ST7: variants seen among roughly 807,000 people sequenced by gnomAD.
ST7 encodes suppressor of tumorigenicity 7 protein.
ST7 carries 28 observed loss-of-function variants against 78.7 expected under a neutral mutation model. The ratio of observed to expected loss-of-function variants is 0.36; its 90% CI spans 0.26 to 0.49. The LOEUF (loss-of-function observed/expected upper bound fraction) is 0.49. ST7 is among the 20% of genes least tolerant of loss of function. The probability of loss-of-function intolerance (pLI) is 0.99; values close to 1 mark genes in which losing one functional copy is unlikely to be tolerated. For missense variants in ST7, 418 were observed against 696.0 expected (o/e 0.60, Z 4.49); for synonymous variants, 247 against 249.6 (o/e 0.99, Z 0.10).
chr7:117,222,074 C>A lies in ST7; in HGVS notation c.1638+12C>A. 1 of 1,598,802 alleles carries A rather than the reference C, an allele frequency of 6.3e-7. No individual in the cohort carries two copies. The highest frequency in any genetic ancestry group is 1.1e-5 in the South Asian group (1 of 88,262). On this transcript the variant is annotated intron_variant, in intron 15 of 15. Coordinates refer to ENST00000323984, the MANE Select transcript of ST7 (RefSeq NM_001369598.1). ...TCTTCGCAAAAGCTGTGAGTGTTTG[C>A]CTAGAGGGAGGCCTTGGGGAATGGA...
chr7:117,032,995 A>C (rs566025503), intron 1 of ST7, among the ~76,000 whole-genome samples: 1 of 152,300 alleles, frequency 6.6e-6, no homozygotes, highest in South Asian at 2.1e-4. Context: ...TAGTTTTACT[A>C]TGTTGCTTTG....
chr7:117,136,081 G>C lies in ST7; in HGVS notation c.711G>C (p.Lys237Asn). ...TGGTGGCTATTATCTGAATGAACAG[G>C]TGTGCAACTGCTTATATTCTCTTGG... Reference protein sequence around the residue: ...STIWEIKLLPKCATAYILLAE... With the variant: ...STIWEIKLLPNCATAYILLAE... Residue 237 changes from lysine (K) to asparagine (N), a missense_variant and splice_region_variant, in exon 8 of 16, where the codon AAG becomes AAC. Coordinates refer to ENST00000323984, the MANE Select transcript of ST7 (RefSeq NM_001369598.1). The C allele has an allele frequency of 6.2e-7, 1 of 1,613,142 alleles. No homozygotes were observed. Among genetic ancestry groups the C allele is most frequent in the South Asian group, 1.1e-5 (1 of 91,042 alleles).
intron 1 of ST7, among the ~76,000 whole-genome samples, chr7:116,973,458 T>C (rs2116271304): frequency 6.6e-6 from 1 of 152,350 alleles, no homozygotes; most frequent in East Asian, 1.9e-4. Context: ...GGTCTCCCCA[T>C]GTTGCCCAGA....
At chr7:117,039,161 A>G (rs925024576) in intron 1 of ST7, among the ~76,000 whole-genome samples, 12 of 152,138 alleles carry the variant, frequency 7.9e-5, no homozygotes, top group Non-Finnish European at 1.5e-4. Flanking sequence ...GCACGTAACC[A>G]TGCTTTTTTC....
intron 1 of ST7, among the ~76,000 whole-genome samples, chr7:117,090,505 T>C (rs1232838922): frequency 6.6e-6 from 1 of 152,160 alleles, no homozygotes; most frequent in Non-Finnish European, 1.5e-5. Context: ...TGTGTGCTTG[T>C]AGGGAAGAGG....
chr7:117,020,458 C>T, intron 1 of ST7: 1 of 860,656 alleles, frequency 1.2e-6, no homozygotes, highest in Non-Finnish European at 1.7e-6. Flanking sequence ...CAGCTGGACA[C>T]AGCTTGGACT....
At chr7:117,166,441 G>A (rs572375525) in intron 9 of ST7, among the ~76,000 whole-genome samples, 2 of 142,368 alleles carry the variant, frequency 1.4e-5, no homozygotes, top group South Asian at 4.3e-4. Context: ...TAAATTTTAA[G>A]TTGCTTGCAT....
At chr7:117,112,274 C>T (rs377141129) in intron 2 of ST7, 6 of 152,150 alleles carry the variant, frequency 3.9e-5, no homozygotes, top group Admixed American at 2.6e-4. Context: ...TAGCAGATGA[C>T]GATTGAATAG....
chr7:117,134,341 G>A, intron 7 of ST7, 149 bp downstream of exon 7: 7 of 1,196,462 alleles, frequency 5.9e-6, no homozygotes, highest in African/African-American at 1.5e-5. Context: ...ATCTTCCATC[G>A]AGCTGAGCAG....
intron 2 of ST7, among the ~76,000 whole-genome samples, chr7:117,113,149 G>T (rs1428099408): frequency 2.0e-5 from 3 of 152,232 alleles, no homozygotes; most frequent in African/African-American, 7.2e-5. Context: ...CAGTGCTGAG[G>T]CAGGAATGCT....
At chr7:117,182,075 G>T (rs1343284399) in intron 10 of ST7, among the ~76,000 whole-genome samples, 2 of 152,120 alleles carry the variant, frequency 1.3e-5, no homozygotes, top group Non-Finnish European at 2.9e-5. Context: ...TCTCTCATTG[G>T]TATTGCCATG....
At chr7:117,015,052 A>G (rs1400255289) in intron 1 of ST7, 1 of 1,025,468 alleles carries the variant, frequency 9.8e-7, no homozygotes, top group Non-Finnish European at 1.3e-6. Context: ...GTTATGTAGA[A>G]TTACTTTAAA....
chr7:116,972,225 T>C, intron 1 of ST7: 1 of 534,830 alleles, frequency 1.9e-6, no homozygotes, highest in Non-Finnish European at 3.6e-6. Context: ...AGAGGCGCTG[T>C]CCTTTGGTGC....
Position 116,953,666 on chromosome 7 carries a change from G to A in ST7, c.126G>A (p.Leu42=), listed in dbSNP as rs775781428. The part of the protein sequence containing the change: ...LFLVYILRVP[L]KINDNLSTVS... ...TGGTCTACATCCTGCGGGTGCCTTT[G>A]AAAATCAACGACAACTTGAGCACAG... is the stretch of plus-strand genomic sequence containing the variant. Residue 42 remains leucine (L), a synonymous_variant, in exon 1 of 16, where the codon TTG becomes TTA. Transcript: ENST00000323984. 2.0e-6 allele frequency: 3 copies of A among 1,496,280 alleles called. No individual in the cohort carries two copies. Among genetic ancestry groups the A allele is most frequent in the Admixed American group, 3.8e-5 (2 of 52,960 alleles). 92.7% of individuals were successfully genotyped at this position (1,496,280 alleles called of 1,614,324 possible).
intron 10 of ST7, among the ~76,000 whole-genome samples, chr7:117,181,550 G>A (rs1044086164): frequency 6.6e-5 from 10 of 152,186 alleles, no homozygotes; most frequent in Non-Finnish European, 4.4e-5. Context: ...TCTGTATCTT[G>A]TGGTAGTACT....
intron 12 of ST7, among the ~76,000 whole-genome samples, chr7:117,195,238 G>T (rs1299536627): frequency 6.6e-6 from 1 of 151,974 alleles, no homozygotes; most frequent in Non-Finnish European, 1.5e-5. Context: ...GGGATTATCA[G>T]ATTTTCAGAG....
intron 13 of ST7, among the ~76,000 whole-genome samples, chr7:117,211,837 C>T (rs1200923640): frequency 6.6e-6 from 1 of 151,978 alleles, no homozygotes; most frequent in Non-Finnish European, 1.5e-5. Context: ...AAACAGGGAG[C>T]TACAAAGTCA....
chr7:117,048,920 A>C (rs927907874), intron 1 of ST7, among the ~76,000 whole-genome samples: 2 of 152,124 alleles, frequency 1.3e-5, no homozygotes, highest in African/African-American at 4.8e-5. Context: ...AATTAGAGAC[A>C]CTGTGTTTGG....
chr7:117,201,043 A>G (rs1279745931), intron 12 of ST7, among the ~76,000 whole-genome samples: 4 of 152,112 alleles, frequency 2.6e-5, no homozygotes, highest in Admixed American at 1.3e-4. Context: ...CAGAGTATAA[A>G]ATTGCTTTTT....
Sources: gnomAD v4.1 joint callset for allele counts (sites outside exome capture counted in the v4.1 genomes callset) on GRCh38, gnomAD v4.1.1 for gene constraint, MANE v1.5 for transcripts, NCBI Gene and HGNC (gene_info 2026-07-23, HGNC 2026-07-21) for gene names.